The following RIT2 variants were observed in gnomAD, a reference collection of about 807,000 sequenced individuals.
RIT2 encodes the protein Ras like without CAAX 2.
In RIT2, 24 loss-of-function variants were observed where a neutral mutation model predicts 23.7. That is an observed-to-expected ratio of 1.01 (90% CI 0.73 to 1.43). The LOEUF is 1.43. Ranked by LOEUF, RIT2 falls within the 40% of genes most tolerant of loss-of-function variation. The probability of loss-of-function intolerance (pLI) is 0.00; values close to 1 mark genes in which losing one functional copy is unlikely to be tolerated. For missense variants in RIT2, 236 were observed against 266.9 expected, an observed-to-expected ratio of 0.88 and a Z score of 0.81; for synonymous variants, 107 against 91.1, an observed-to-expected ratio of 1.17 and a Z score of -0.99.
At chr18:42,779,217 C>A (rs1252005322) in intron 4 of RIT2, among the ~76,000 whole-genome samples, 1 of 152,088 alleles carries the variant, frequency 6.6e-6, no homozygotes, top group East Asian at 1.9e-4. Flanking sequence ...AAAACTTGCC[C>A]TTGTTTTTTC....
intron 4 of RIT2, among the ~76,000 whole-genome samples, chr18:42,921,176 G>GA (rs918313527): frequency 1.3e-5 from 2 of 152,020 alleles, no homozygotes; most frequent in Non-Finnish European, 2.9e-5. Context: ...ATTTTGCTCA[G>GA]AAAAAACCAC....
intron 3 of RIT2, among the ~76,000 whole-genome samples, chr18:42,965,782 G>A (rs1458760880): frequency 3.3e-5 from 3 of 91,250 alleles, no homozygotes; most frequent in Non-Finnish European, 6.1e-5. Context: ...CTGAGTATTT[G>A]GTTCATTGCT....
chr18:42,872,724 C>T (rs999017383), intron 4 of RIT2, among the ~76,000 whole-genome samples: 5 of 152,054 alleles, frequency 3.3e-5, no homozygotes, highest in Admixed American at 6.6e-5. Flanking sequence ...TTTAAATAAA[C>T]ATAATTACTT....
intron 4 of RIT2, chr18:42,920,635 T>C: frequency 8.6e-7 from 1 of 1,165,208 alleles, no homozygotes; most frequent in East Asian, 2.4e-5. Flanking sequence ...TCTTTTTATC[T>C]TTTTTAGAAA....
chr18:43,033,886 AT>A lies in RIT2; in HGVS notation c.104-20del. ...GTCATTGCTGAAAGAAAAAAAACAC[AT>A]TTTGTTTAATAAAAATTCACTAATT... On this transcript the variant is annotated intron_variant, in intron 1 of 4. Transcript: ENST00000326695. 1 of 1,545,566 alleles carries A rather than the reference AT, an allele frequency of 6.5e-7. No individual in the cohort carries two copies. Among genetic ancestry groups the A allele is most frequent in the Non-Finnish European group, 8.9e-7 (1 of 1,124,306 alleles).
intron 4 of RIT2, among the ~76,000 whole-genome samples, chr18:42,845,780 G>T (rs1319125189): frequency 6.6e-6 from 1 of 151,382 alleles, no homozygotes; most frequent in Non-Finnish European, 1.5e-5. Flanking sequence ...TCTATGCAGA[G>T]ACTAATAAAC....
chr18:42,885,660 C>T (rs972400778), intron 4 of RIT2, among the ~76,000 whole-genome samples: 3 of 152,020 alleles, frequency 2.0e-5, no homozygotes, highest in Admixed American at 2.0e-4. Context: ...TGGATCTTTA[C>T]TATTAGAGGA....
chr18:42,929,054 T>TATATATATATATATATATATATATAA (rs1909260529), intron 3 of RIT2, among the ~76,000 whole-genome samples: 1 of 145,538 alleles, frequency 6.9e-6, no homozygotes, highest in African/African-American at 2.5e-5. Context: ...TATATATATA[T>TATATATATATATATATATATATATAA]ATATTTATAT....
intron 3 of RIT2, among the ~76,000 whole-genome samples, chr18:42,965,990 T>G (rs1260861117): frequency 6.6e-6 from 1 of 152,004 alleles, no homozygotes; most frequent in Non-Finnish European, 1.5e-5. Context: ...CACTCCAGCT[T>G]TGTCATTTAG....
chr18:43,076,784 C>A (rs995289325), intron 1 of RIT2, among the ~76,000 whole-genome samples: 2 of 152,122 alleles, frequency 1.3e-5, no homozygotes, highest in African/African-American at 2.4e-5. Flanking sequence ...ATAGCAATGG[C>A]AAAGAGTGTG....
At chr18:42,892,637 T>C (rs1908212076) in intron 4 of RIT2, among the ~76,000 whole-genome samples, 1 of 152,230 alleles carries the variant, frequency 6.6e-6, no homozygotes, top group South Asian at 2.1e-4. Context: ...CCCAGTCATT[T>C]GACAAATAAA....
At chr18:42,814,826 G>A (rs1290499522) in intron 4 of RIT2, among the ~76,000 whole-genome samples, 2 of 152,044 alleles carry the variant, frequency 1.3e-5, no homozygotes, top group East Asian at 3.9e-4. Flanking sequence ...CTCCTCTCCC[G>A]CCGCCACCTC....
At chr18:42,825,881 C>T (rs1906284741) in intron 4 of RIT2, among the ~76,000 whole-genome samples, 1 of 152,034 alleles carries the variant, frequency 6.6e-6, no homozygotes, top group African/African-American at 2.4e-5. Flanking sequence ...TATTTTACAA[C>T]TCTGTAAGTT....
intron 2 of RIT2, among the ~76,000 whole-genome samples, chr18:42,998,715 G>A (rs1297588788): frequency 3.3e-5 from 5 of 152,090 alleles, no homozygotes; most frequent in Non-Finnish European, 5.9e-5. Flanking sequence ...TCAAGATCAT[G>A]TATAGCCAGA....
At chr18:43,080,663 T>A (rs899373678) in intron 1 of RIT2, among the ~76,000 whole-genome samples, 1 of 152,208 alleles carries the variant, frequency 6.6e-6, no homozygotes, top group Non-Finnish European at 1.5e-5. Flanking sequence ...CAAAACCCAC[T>A]ATATGCTTAT....
intron 1 of RIT2, among the ~76,000 whole-genome samples, chr18:43,077,797 A>G (rs1913060436): frequency 6.6e-6 from 1 of 152,198 alleles, no homozygotes; most frequent in Non-Finnish European, 1.5e-5. Flanking sequence ...ATTCTTTATT[A>G]GATGTTATTA....
At chr18:42,974,244 A>G in intron 2 of RIT2, 97 bp from the exon 3 acceptor site, 1 of 754,866 alleles carries the variant, frequency 1.3e-6, no homozygotes, top group Non-Finnish European at 2.2e-6. Flanking sequence ...TAAGTTACTA[A>G]GATAATTAGA....
intron 1 of RIT2, among the ~76,000 whole-genome samples, chr18:43,085,699 A>G (rs150178646): frequency 1.3e-5 from 2 of 151,180 alleles, no homozygotes; most frequent in South Asian, 2.1e-4. Context: ...GTTGTAGAGT[A>G]TAGGGTTAGC....
intron 4 of RIT2, among the ~76,000 whole-genome samples, chr18:42,830,272 T>A (rs1906419433): frequency 6.6e-6 from 1 of 152,176 alleles, no homozygotes; most frequent in African/African-American, 2.4e-5. Context: ...GTTTCTGGGT[T>A]ACAAAAGCAA....
Sources: gnomAD v4.1 joint callset for allele counts (sites outside exome capture counted in the v4.1 genomes callset) on GRCh38, gnomAD v4.1.1 for gene constraint, MANE v1.5 for transcripts, NCBI Gene and HGNC (gene_info 2026-07-23, HGNC 2026-07-21) for gene names.